Variants in NRXN3 observed in about 807,000 individuals in gnomAD.
The protein encoded by NRXN3 is neurexin III.
NRXN3 carries 32 observed loss-of-function variants against 137.6 expected under a neutral mutation model. The ratio of observed to expected loss-of-function variants is 0.23; its 90% CI spans 0.18 to 0.31. The LOEUF (loss-of-function observed/expected upper bound fraction) is 0.31, where lower values mean the gene tolerates loss of function less well. Among genes scored for constraint, NRXN3 ranks in the 10% least tolerant of loss-of-function variants. The pLI is 1.00. For missense variants in NRXN3, 1,574 were observed against 2,062.5 expected, an observed-to-expected ratio of 0.76 and a Z score of 4.59; for synonymous variants, 798 against 784.5, an observed-to-expected ratio of 1.02 and a Z score of -0.29.
chr14:79,241,211 G>A (rs1432892991), intron 15 of NRXN3, among the ~76,000 whole-genome samples: 1 of 152,120 alleles, frequency 6.6e-6, no homozygotes, highest in Non-Finnish European at 1.5e-5. Context: ...GAAAGATCAA[G>A]AAAGACCAAC....
chr14:79,529,431 A>G (rs7158779), intron 16 of NRXN3, among the ~76,000 whole-genome samples: 10,140 of 152,192 alleles, frequency 0.067, 761 homozygotes, highest in African/African-American at 0.18. Flanking sequence ...CCTGTCTTTG[A>G]TTTTACTTCC....
At chr14:78,341,970 T>C (rs1302077409) in intron 4 of NRXN3, among the ~76,000 whole-genome samples, 1 of 152,222 alleles carries the variant, frequency 6.6e-6, no homozygotes, top group African/African-American at 2.4e-5. Flanking sequence ...TACCTTGCTC[T>C]CTACACGTAA....
At chr14:78,578,980 AGCTGAGGTTTTACAAGT>A (rs1212811001) in intron 4 of NRXN3, among the ~76,000 whole-genome samples, 1 of 151,922 alleles carries the variant, frequency 6.6e-6, no homozygotes, top group African/African-American at 2.4e-5. Flanking sequence ...CTGCCCTGGA[AGCTGAGGTTTTACAAGT>A]GCTGAGAGAA....
At chr14:79,453,835 T>C (rs951702814) in intron 15 of NRXN3, among the ~76,000 whole-genome samples, 41 of 152,308 alleles carry the variant, frequency 2.7e-4, no homozygotes, top group African/African-American at 9.4e-4. Flanking sequence ...AAGGCTTTTA[T>C]TCTTCATGTC....
intron 14 of NRXN3, among the ~76,000 whole-genome samples, chr14:78,974,557 T>C (rs993515166): frequency 6.6e-6 from 1 of 152,218 alleles, no homozygotes; most frequent in African/African-American, 2.4e-5. Context: ...TTGGAATATA[T>C]TGATGTTTCC....
At chr14:78,177,257 G>A (rs577629422) in intron 1 of NRXN3, among the ~76,000 whole-genome samples, 2 of 152,304 alleles carry the variant, frequency 1.3e-5, no homozygotes, top group East Asian at 3.9e-4. Context: ...AGGCTGGTTG[G>A]GGGGCATGAT....
In NRXN3 at chr14:78,448,624, A is replaced by G. The variant is rs192291514; in HGVS notation, c.757+150764A>G. Among the ~76,000 whole-genome samples, 143 of 152,274 alleles carry G rather than the reference A, an allele frequency of 9.4e-4. 1 individual carries two copies. The highest frequency in any genetic ancestry group is 2.4e-4 in the Non-Finnish European group (16 of 68,010). On this transcript the variant is annotated intron_variant, in intron 4 of 20. Coordinates refer to ENST00000335750, the MANE Select transcript of NRXN3 (RefSeq NM_001330195.2). ...GGGACAAGGGTTGCAATTCACGGAC[A>G]CCGGATGTTGTGCAATATTCAGGTC...
At chr14:78,989,482 A>G (rs1324421567) in intron 15 of NRXN3, among the ~76,000 whole-genome samples, 3 of 152,202 alleles carry the variant, frequency 2.0e-5, no homozygotes, top group South Asian at 4.1e-4. Flanking sequence ...ATCTAATTAC[A>G]TAAGCATATG....
intron 16 of NRXN3, among the ~76,000 whole-genome samples, chr14:79,488,372 T>C (rs1190874494): frequency 6.6e-6 from 1 of 152,148 alleles, no homozygotes; most frequent in African/African-American, 2.4e-5. Context: ...TCACAAGAGA[T>C]TGCAACTCAA....
chr14:78,593,234 AC>A (rs2097131792), intron 4 of NRXN3, among the ~76,000 whole-genome samples: 1 of 151,676 alleles, frequency 6.6e-6, no homozygotes, highest in Non-Finnish European at 1.5e-5. Flanking sequence ...TCCTCTATCC[AC>A]CCCCTCTTCT....
chr14:78,338,822 A>T (rs1362000554), intron 4 of NRXN3, among the ~76,000 whole-genome samples: 3 of 152,178 alleles, frequency 2.0e-5, no homozygotes, highest in Admixed American at 1.3e-4. Context: ...TGGACTTAAC[A>T]CTTTAACACT....
rs572803098 is a variant in NRXN3, at chr14:79,787,631, A to T, written c.4015-17481A>T. ...TTTGACTTTTTAGATTTCTACATAC[A>T]GGTGAGATCATACGGGATTTGTCTC... is the stretch of plus-strand genomic sequence containing the variant. On this transcript the variant is annotated intron_variant, in intron 19 of 20. Coordinates refer to ENST00000335750, the MANE Select transcript of NRXN3 (RefSeq NM_001330195.2). 7.7e-4 allele frequency among the ~76,000 whole-genome samples: 118 copies of T among 152,292 alleles called. 1 individual carries two copies. Among genetic ancestry groups the T allele is most frequent in the African/African-American group, 2.8e-3 (117 of 41,560 alleles).
At chr14:79,793,784 C>T (rs1446284511) in intron 19 of NRXN3, among the ~76,000 whole-genome samples, 1 of 152,126 alleles carries the variant, frequency 6.6e-6, no homozygotes, top group Non-Finnish European at 1.5e-5. Flanking sequence ...TATTACCATT[C>T]GTCCTTATAT....
At chr14:78,225,954 T>G (rs1378958995) in intron 1 of NRXN3, among the ~76,000 whole-genome samples, 9 of 128,292 alleles carry the variant, frequency 7.0e-5, no homozygotes, top group African/African-American at 1.6e-4. Context: ...GTTTTTTTGG[T>G]GTGTGTGTGT....
chr14:79,652,405 T>C (rs868457598), intron 16 of NRXN3, among the ~76,000 whole-genome samples: 1 of 151,960 alleles, frequency 6.6e-6, no homozygotes, highest in African/African-American at 2.4e-5. Context: ...CATGGATAAT[T>C]TGTGTATCTG....
At chr14:79,198,179 T>C (rs1478354057) in intron 15 of NRXN3, among the ~76,000 whole-genome samples, 2 of 152,234 alleles carry the variant, frequency 1.3e-5, no homozygotes, top group African/African-American at 4.8e-5. Flanking sequence ...TTATATGAAA[T>C]GGAAGCATGT....
intron 4 of NRXN3, among the ~76,000 whole-genome samples, chr14:78,411,937 A>G (rs1479538992): frequency 1.3e-5 from 2 of 152,246 alleles, no homozygotes; most frequent in Non-Finnish European, 2.9e-5. Flanking sequence ...ATTTCCAAAT[A>G]GAAAATAACC....
At chr14:78,173,783 T>A (rs978461060) in intron 1 of NRXN3, among the ~76,000 whole-genome samples, 1 of 139,104 alleles carries the variant, frequency 7.2e-6, no homozygotes, top group Non-Finnish European at 1.6e-5. Context: ...AGCCTTCTGA[T>A]AGGAGGGCAA....
intron 2 of NRXN3, among the ~76,000 whole-genome samples, chr14:78,275,593 G>A (rs1035016846): frequency 6.6e-6 from 1 of 152,106 alleles, no homozygotes; most frequent in Non-Finnish European, 1.5e-5. Flanking sequence ...AGAAATGAAA[G>A]CACCCCATTT....
Sources: gnomAD v4.1 joint callset for allele counts (sites outside exome capture counted in the v4.1 genomes callset) on GRCh38, gnomAD v4.1.1 for gene constraint, MANE v1.5 for transcripts, NCBI Gene and HGNC (gene_info 2026-07-23, HGNC 2026-07-21) for gene names.